ZCWPW2: variants seen among roughly 807,000 people sequenced by gnomAD.
The protein encoded by ZCWPW2 is zinc finger CW-type PWWP domain protein 2.
A neutral mutation model predicts 46.6 loss-of-function variants in ZCWPW2; 45 were observed. That is an observed-to-expected ratio of 0.96 (90% CI 0.76 to 1.24). The LOEUF (loss-of-function observed/expected upper bound fraction) is 1.24. ZCWPW2 is among the 50% of genes most tolerant of loss of function. The pLI, the probability that ZCWPW2 is intolerant of heterozygous loss-of-function variation, is 0.00. For synonymous variants in ZCWPW2, 152 were observed against 137.1 expected, an observed-to-expected ratio of 1.11 and a Z score of -0.76; for missense variants, 429 against 403.9, an observed-to-expected ratio of 1.06 and a Z score of -0.53.
intron 3 of ZCWPW2, among the ~76,000 whole-genome samples, chr3:28,425,453 C>A (rs571723136): frequency 6.6e-6 from 1 of 152,122 alleles, no homozygotes; most frequent in Admixed American, 6.5e-5. Flanking sequence ...TTAAGCAAAG[C>A]CATAGATGTT....
intron 1 of ZCWPW2, among the ~76,000 whole-genome samples, chr3:28,387,559 T>G (rs1194961646): frequency 6.6e-6 from 1 of 152,188 alleles, no homozygotes; most frequent in Non-Finnish European, 1.5e-5. Context: ...TCAGTTACTC[T>G]ACATCCAGTT....
At chr3:28,479,176 A>G (rs1699340907) in intron 5 of ZCWPW2, among the ~76,000 whole-genome samples, 1 of 152,148 alleles carries the variant, frequency 6.6e-6, no homozygotes, top group Non-Finnish European at 1.5e-5. Context: ...CACTTTTGTT[A>G]TCTATCTTCT....
chr3:28,505,115 G>T (rs1040049506), intron 6 of ZCWPW2, among the ~76,000 whole-genome samples: 2 of 152,126 alleles, frequency 1.3e-5, no homozygotes, highest in African/African-American at 4.8e-5. Context: ...CTTTTGTTTA[G>T]GGTGGGCTGG....
At chr3:28,511,434 A>G (rs994907286) in intron 6 of ZCWPW2, among the ~76,000 whole-genome samples, 5 of 152,212 alleles carry the variant, frequency 3.3e-5, no homozygotes. Context: ...TGCTGAATAG[A>G]CAGGCATTAT....
At chr3:28,458,746 C>T (rs1698517324) in intron 4 of ZCWPW2, among the ~76,000 whole-genome samples, 1 of 152,152 alleles carries the variant, frequency 6.6e-6, no homozygotes, top group Admixed American at 6.5e-5. Context: ...TATTGATCAA[C>T]TGTTGTTAAT....
intron 1 of ZCWPW2, among the ~76,000 whole-genome samples, chr3:28,351,959 A>T (rs548480042): frequency 6.6e-6 from 1 of 152,236 alleles, no homozygotes; most frequent in East Asian, 1.9e-4. Flanking sequence ...TCTTTAGGGT[A>T]TGAGAATAGT....
chr3:28,377,801 T>C (rs144057617), intron 1 of ZCWPW2, among the ~76,000 whole-genome samples: 2,622 of 152,178 alleles, frequency 0.017, 47 homozygotes, highest in Non-Finnish European at 0.023. Flanking sequence ...CTGAATAAAA[T>C]TGGCAGCCAT....
At chr3:28,358,284 A>C (rs1575042683) in intron 1 of ZCWPW2, among the ~76,000 whole-genome samples, 1 of 152,088 alleles carries the variant, frequency 6.6e-6, no homozygotes, top group Non-Finnish European at 1.5e-5. Flanking sequence ...TTTTAAAAGG[A>C]CCTTCTTAAT....
chr3:28,476,911 G>A (rs1699255224), intron 4 of ZCWPW2, among the ~76,000 whole-genome samples: 1 of 152,068 alleles, frequency 6.6e-6, no homozygotes, highest in Non-Finnish European at 1.5e-5. Context: ...TAATGCCACA[G>A]CTGACGTGAC....
At chr3:28,470,440 G>A (rs1328763740) in intron 4 of ZCWPW2, among the ~76,000 whole-genome samples, 3 of 150,366 alleles carry the variant, frequency 2.0e-5, no homozygotes, top group East Asian at 3.9e-4. Flanking sequence ...GTTGCAGTGA[G>A]CCGAGATCGC....
At chr3:28,494,938 C>T (rs1345789659) in intron 6 of ZCWPW2, among the ~76,000 whole-genome samples, 15 of 150,598 alleles carry the variant, frequency 1.0e-4, no homozygotes, top group African/African-American at 3.7e-4. Flanking sequence ...AGGACACAAA[C>T]AAATGGAAGA....
intron 4 of ZCWPW2, among the ~76,000 whole-genome samples, chr3:28,454,903 G>T (rs951197524): frequency 6.6e-6 from 1 of 152,164 alleles, no homozygotes; most frequent in Admixed American, 6.5e-5. Context: ...CATCCAGGTT[G>T]ATTCCATGTA....
intron 1 of ZCWPW2, among the ~76,000 whole-genome samples, chr3:28,388,326 C>A (rs1695354606): frequency 6.6e-6 from 1 of 152,030 alleles, no homozygotes; most frequent in Non-Finnish European, 1.5e-5. Context: ...TATCACAAGT[C>A]CCCCCCTTGT....
rs1698336211 is a variant in ZCWPW2 at position 28,454,037 on chromosome 3, G to A, written c.492+18768G>A. ...TTTTTTGTATTTTTAGTAGAGACGGGGTTTCACCGTGTTAGCCAGGATGGT... is the reference window on the plus strand; with the variant it reads ...TTTTTTGTATTTTTAGTAGAGACGGAGTTTCACCGTGTTAGCCAGGATGGT... On this transcript the variant is annotated intron_variant, in intron 4 of 9. Coordinates refer to ENST00000383768, the MANE Select transcript of ZCWPW2 (RefSeq NM_001040432.4). 2.0e-5 allele frequency among the ~76,000 whole-genome samples: 3 copies of A among 151,524 alleles called. No homozygotes were observed. In the South Asian group the frequency reaches 6.2e-4, roughly 31 times the overall value.
At chr3:28,351,914 C>T (rs1183377643) in intron 1 of ZCWPW2, among the ~76,000 whole-genome samples, 1 of 152,076 alleles carries the variant, frequency 6.6e-6, no homozygotes, top group Non-Finnish European at 1.5e-5. Flanking sequence ...ACTTCTTCCT[C>T]TGTTTTCCTG....
chr3:28,374,496 T>C (rs1260963609), intron 1 of ZCWPW2, among the ~76,000 whole-genome samples: 1 of 152,214 alleles, frequency 6.6e-6, no homozygotes, highest in African/African-American at 2.4e-5. Flanking sequence ...GTTTACTTTT[T>C]CTATTTCTAT....
intron 4 of ZCWPW2, among the ~76,000 whole-genome samples, chr3:28,473,749 C>T (rs1699123743): frequency 6.6e-6 from 1 of 152,126 alleles, no homozygotes; most frequent in Admixed American, 6.5e-5. Context: ...AACTGGAGGT[C>T]ATTACGTTAA....
intron 2 of ZCWPW2, among the ~76,000 whole-genome samples, chr3:28,391,893 A>G (rs1006613246): frequency 6.6e-6 from 1 of 152,166 alleles, no homozygotes; most frequent in Non-Finnish European, 1.5e-5. Context: ...AGACAGGAAG[A>G]AAGGAGCAAA....
chr3:28,395,019 T>A (rs1457794312), intron 2 of ZCWPW2, among the ~76,000 whole-genome samples: 1 of 152,130 alleles, frequency 6.6e-6, no homozygotes, highest in African/African-American at 2.4e-5. Context: ...GATAAGGGGT[T>A]AATATCCAAA....
Sources: gnomAD v4.1 joint callset for allele counts (sites outside exome capture counted in the v4.1 genomes callset) on GRCh38, gnomAD v4.1.1 for gene constraint, MANE v1.5 for transcripts, NCBI Gene and HGNC (gene_info 2026-07-23, HGNC 2026-07-21) for gene names.